ARHGAP8: variants seen among roughly 807,000 people sequenced by gnomAD.
ARHGAP8 encodes the protein Rho GTPase activating protein 8, also known as rho GTPase-activating protein 8.
In ARHGAP8, 62 loss-of-function variants were observed where a neutral mutation model predicts 46.1. The observed-to-expected ratio is 1.34, with a 90% CI of 1.10 to 1.66. The LOEUF (loss-of-function observed/expected upper bound fraction) is 1.66, where lower values mean the gene tolerates loss of function less well. Ranked by LOEUF, ARHGAP8 falls within the 40% of genes most tolerant of loss-of-function variation. The pLI, the probability that ARHGAP8 is intolerant of heterozygous loss-of-function variation, is 0.00. For synonymous variants in ARHGAP8, 375 were observed against 243.1 expected, an observed-to-expected ratio of 1.54 and a Z score of -5.05; for missense variants, 923 against 568.4, an observed-to-expected ratio of 1.62 and a Z score of -6.34.
chr22:44,793,556 A>C, intron 2 of ARHGAP8, among the ~76,000 whole-genome samples: 2 of 149,720 alleles, frequency 1.3e-5, no homozygotes, highest in African/African-American at 2.5e-5. Context: ...CAAACTTGCG[A>C]CTCCCTCCCG....
intron 7 of ARHGAP8, among the ~76,000 whole-genome samples, chr22:44,836,327 AG>A (rs2147142543): frequency 6.6e-6 from 1 of 151,682 alleles, no homozygotes. Context: ...CAGCCTCCTG[AG>A]TAGCTGGGAT....
At chr22:44,790,449 G>T (rs890858468) in intron 2 of ARHGAP8, among the ~76,000 whole-genome samples, 7 of 151,940 alleles carry the variant, frequency 4.6e-5, no homozygotes, top group African/African-American at 1.7e-4. Context: ...CCCAAGGAAG[G>T]CGGGTCACCT....
intron 4 of ARHGAP8, among the ~76,000 whole-genome samples, chr22:44,813,602 C>A (rs368294558): frequency 6.6e-6 from 1 of 151,606 alleles, no homozygotes; most frequent in Non-Finnish European, 1.5e-5. Flanking sequence ...GCTACATACA[C>A]CTACACACAC....
chr22:44,862,494 G>T lies in ARHGAP8; in HGVS notation c.1201G>T (p.Ala401Ser). 1 of 1,613,656 alleles carries T rather than the reference G, an allele frequency of 6.2e-7. No individual in the cohort carries two copies. The highest frequency in any genetic ancestry group is 1.1e-5 in the South Asian group (1 of 91,068). ...GGCACCATGGGAACAGGGGAGCAGG[G>T]CAGCCCCTTTGCAGGAGGCTGTGCC... ...GLAPWEQGSR[A>S]APLQEAVPRT... The change falls in exon 12 of 12, where the codon GCA becomes TCA. Residue 401 changes from alanine to serine, a missense_variant. Physicochemically the swap from Ala to Ser is moderately conservative, Grantham distance 99. Coordinates refer to ENST00000356099, the MANE Select transcript of ARHGAP8 (RefSeq NM_181335.3).
intron 7 of ARHGAP8, among the ~76,000 whole-genome samples, chr22:44,843,819 T>G (rs1428542246): frequency 1.5e-5 from 2 of 130,148 alleles, no homozygotes; most frequent in African/African-American, 6.5e-5. Flanking sequence ...GGTAAGACCT[T>G]GTCTCAAAAA....
intron 4 of ARHGAP8, among the ~76,000 whole-genome samples, chr22:44,812,931 T>C (rs1038416949): frequency 1.3e-5 from 2 of 152,184 alleles, no homozygotes; most frequent in Non-Finnish European, 2.9e-5. Flanking sequence ...ATTTTAATGA[T>C]CAAATTGTCC....
chr22:44,819,256 A>G (rs1319043867), intron 5 of ARHGAP8, among the ~76,000 whole-genome samples: 2 of 152,168 alleles, frequency 1.3e-5, no homozygotes, highest in Admixed American at 6.5e-5. Flanking sequence ...TAGTAGAGAC[A>G]GGGTTTTGCC....
intron 7 of ARHGAP8, among the ~76,000 whole-genome samples, chr22:44,828,748 C>A (rs924208208): frequency 1.3e-5 from 2 of 151,886 alleles, no homozygotes; most frequent in South Asian, 4.1e-4. Context: ...ACACCTAGCC[C>A]GGGCCAGGAT....
intron 1 of ARHGAP8, among the ~76,000 whole-genome samples, chr22:44,785,035 C>T (rs1285655943): frequency 2.6e-5 from 4 of 152,114 alleles, no homozygotes; most frequent in Non-Finnish European, 4.4e-5. Context: ...TGGGGTAGAC[C>T]GGGACTGAGT....
chr22:44,790,073 T>C (rs1340314371), intron 2 of ARHGAP8, among the ~76,000 whole-genome samples: 2 of 152,136 alleles, frequency 1.3e-5, no homozygotes, highest in East Asian at 1.9e-4. Context: ...GCAGAGGAAT[T>C]TGCATTTGGT....
chr22:44,847,831 T>C, intron 8 of ARHGAP8, 142 bp from the exon 9 acceptor site: 2 of 1,081,994 alleles, frequency 1.8e-6, no homozygotes, highest in Non-Finnish European at 2.6e-6. Flanking sequence ...GGTTGGGGAA[T>C]ATGGAAAGGA....
chr22:44,833,076 T>TTTTTCTTTTCTTTTC (rs61552450), intron 7 of ARHGAP8, among the ~76,000 whole-genome samples: 2,206 of 130,020 alleles, frequency 0.017, 51 homozygotes, highest in Middle Eastern at 0.036. Flanking sequence ...AGAACCATCT[T>TTTTTCTTTTCTTTTC]TTTTCTTTTC....
At chr22:44,861,617 C>A (rs558416036) in intron 11 of ARHGAP8, among the ~76,000 whole-genome samples, 1 of 152,162 alleles carries the variant, frequency 6.6e-6, no homozygotes, top group Non-Finnish European at 1.5e-5. Flanking sequence ...GAGGTTCCCC[C>A]CAGCTTGAAT....
intron 10 of ARHGAP8, among the ~76,000 whole-genome samples, chr22:44,851,822 G>A (rs912326421): frequency 3.9e-5 from 6 of 152,018 alleles, no homozygotes; most frequent in Admixed American, 3.3e-4. Flanking sequence ...CTGGACAAAA[G>A]AGCAAGACCA....
rs561175655 is a variant in ARHGAP8, at chr22:44,796,323, T to A, written c.80-5754T>A. On this transcript the variant is annotated intron_variant, in intron 2 of 11. Coordinates refer to ENST00000356099, the MANE Select transcript of ARHGAP8 (RefSeq NM_181335.3). The stretch of plus-strand genomic sequence containing the variant: ...CTGGTGGGTGGAGGCCCCCACAGTT[T>A]GCTCCTCGGGGGCAGCTGATGGTGG... Among the ~76,000 whole-genome samples, 6 of 152,312 alleles carry A rather than the reference T, an allele frequency of 3.9e-5. No individual in the cohort carries two copies. In the South Asian group the frequency reaches 6.2e-4, roughly 16 times the overall value.
rs941626151 is a variant in ARHGAP8 at position 44,861,301 on chromosome 22, TTCTC to T, written c.982-968_982-965del. Among the ~76,000 whole-genome samples, 10 of 152,260 alleles carry T rather than the reference TTCTC, an allele frequency of 6.6e-5. No homozygotes were observed. The South Asian group carries it at 2.1e-3, about 32-fold the overall frequency. ...TTCTTTTTCATTAGGAGAGACTGATTTCTCTCTCTAGCCGCCACCTCCATGGGCA... is the reference window on the plus strand; with the variant it reads ...TTCTTTTTCATTAGGAGAGACTGATTTCTCTAGCCGCCACCTCCATGGGCA... On this transcript the variant is annotated intron_variant, in intron 11 of 11. Transcript: ENST00000356099.
intron 6 of ARHGAP8, among the ~76,000 whole-genome samples, chr22:44,824,074 C>T (rs1930338117): frequency 6.6e-6 from 1 of 152,098 alleles, no homozygotes; most frequent in African/African-American, 2.4e-5. Flanking sequence ...TTTCTCCACC[C>T]CCACATACTT....
At position 44,862,290 on chromosome 22, in the gene ARHGAP8, A is replaced by G. The variant is rs2070531946; in HGVS notation, c.997A>G (p.Ile333Val). ...TTTCCTCCAGGTGTCCCGGGAGAGC[A>G]TCTTCAACAAAATGAACAGCTCTAA... ...GFLHAVSRESIFNKMNSSNLA... is the reference protein window; with the variant it reads ...GFLHAVSRESVFNKMNSSNLA... The change falls in exon 12 of 12, where the codon ATC becomes GTC. Residue 333 changes from isoleucine (I) to valine (V), a missense_variant. Ile to Val is a conservative substitution (Grantham distance 29). Coordinates refer to ENST00000356099, the MANE Select transcript of ARHGAP8 (RefSeq NM_181335.3). 1 of 1,595,258 alleles carries G rather than the reference A, an allele frequency of 6.3e-7. No homozygotes were observed. Among genetic ancestry groups the G allele is most frequent in the Non-Finnish European group, 8.6e-7 (1 of 1,165,508 alleles).
chr22:44,829,303 A>G (rs1030216177), intron 7 of ARHGAP8, among the ~76,000 whole-genome samples: 48 of 151,784 alleles, frequency 3.2e-4, no homozygotes, highest in African/African-American at 9.9e-4. Context: ...AAAAGAAAAA[A>G]AAAAAAGAAA....
Sources: gnomAD v4.1 joint callset for allele counts (sites outside exome capture counted in the v4.1 genomes callset) on GRCh38, gnomAD v4.1.1 for gene constraint, MANE v1.5 for transcripts, NCBI Gene and HGNC (gene_info 2026-07-23, HGNC 2026-07-21) for gene names.